FBXL7: variants seen among roughly 807,000 people sequenced by gnomAD.
FBXL7 encodes F-box and leucine rich repeat protein 7, also known as F-box/LRR-repeat protein 7.
A neutral mutation model predicts 38.3 loss-of-function variants in FBXL7; 12 were observed. The ratio of observed to expected loss-of-function variants is 0.31; its 90% CI spans 0.20 to 0.51. FBXL7 has a LOEUF of 0.51. Among genes scored for constraint, FBXL7 ranks in the 20% least tolerant of loss-of-function variants. FBXL7 has a pLI of 0.98. For synonymous variants in FBXL7, 297 were observed against 300.9 expected (o/e 0.99, Z 0.13); for missense variants, 567 against 676.4 (o/e 0.84, Z 1.79).
intron 2 of FBXL7, among the ~76,000 whole-genome samples, chr5:15,756,345 A>G (rs1324975518): frequency 3.9e-5 from 6 of 152,198 alleles, no homozygotes; most frequent in African/African-American, 1.4e-4. Context: ...TTCTACCTTC[A>G]TGTAAATGGG....
intron 2 of FBXL7, among the ~76,000 whole-genome samples, chr5:15,789,188 C>G (rs1213630841): frequency 1.3e-5 from 2 of 152,078 alleles, no homozygotes. Context: ...TCTGCCAGTG[C>G]TCTACAAGAC....
rs187117288 is a variant in FBXL7, at chr5:15,652,336, G to C, written c.127+36264G>C. Among the ~76,000 whole-genome samples, 690 of 152,078 alleles carry C rather than the reference G, an allele frequency of 4.5e-3. 4 individuals carry two copies. The highest frequency in any genetic ancestry group is 0.016 in the African/African-American group (670 of 41,484). Reference sequence around the variant, plus strand: ...GGCTGGAGTGCAGTGGCGTGATCTCGGCTCACTGCAATCTCTGCCTCCCGG... The same window carrying C: ...GGCTGGAGTGCAGTGGCGTGATCTCCGCTCACTGCAATCTCTGCCTCCCGG... On this transcript the variant is annotated intron_variant, in intron 2 of 3. Transcript: ENST00000504595.
intron 2 of FBXL7, among the ~76,000 whole-genome samples, chr5:15,691,037 T>A (rs1414800934): frequency 6.6e-6 from 1 of 152,244 alleles, no homozygotes; most frequent in African/African-American, 2.4e-5. Flanking sequence ...AAAAGTGGAA[T>A]GTTTCCTGTA....
intron 2 of FBXL7, among the ~76,000 whole-genome samples, chr5:15,784,542 G>A (rs1685908119): frequency 6.6e-6 from 1 of 152,094 alleles, no homozygotes; most frequent in Non-Finnish European, 1.5e-5. Context: ...CCCAGTGTTA[G>A]AGATGAGGCC....
chr5:15,938,791 A>AT lies in FBXL7; in HGVS notation c.*1608dup. 1 of 393,300 alleles carries AT rather than the reference A, an allele frequency of 2.5e-6. No homozygotes were observed. 24.4% of individuals were successfully genotyped at this position (393,300 alleles called of 1,614,324 possible). ...GGATAGAAGTCTATATTCTAGCCTC[A>AT]TTTGCATGAAGTCAGATAGCCAGAA... is the stretch of plus-strand genomic sequence containing the variant. On this transcript the variant is annotated 3_prime_UTR_variant, in exon 4 of 4. Transcript: ENST00000504595.
chr5:15,538,458 G>A (rs1737648417), intron 1 of FBXL7, among the ~76,000 whole-genome samples: 1 of 152,174 alleles, frequency 6.6e-6, no homozygotes, highest in Non-Finnish European at 1.5e-5. Context: ...AACAGAAAAT[G>A]CCAATAAACC....
intron 2 of FBXL7, among the ~76,000 whole-genome samples, chr5:15,868,859 AT>A (rs997134755): frequency 1.3e-5 from 2 of 151,904 alleles, no homozygotes; most frequent in Non-Finnish European, 1.5e-5. Flanking sequence ...TCCCTACTTC[AT>A]TTTTTTCCCC....
At chr5:15,709,006 A>G in intron 2 of FBXL7, among the ~76,000 whole-genome samples, 1 of 152,310 alleles carries the variant, frequency 6.6e-6, no homozygotes, top group South Asian at 2.1e-4. Flanking sequence ...TCCTGGAATC[A>G]TACTTGCATG....
At chr5:15,764,542 G>A (rs13170786) in intron 2 of FBXL7, among the ~76,000 whole-genome samples, 15,750 of 152,186 alleles carry the variant, frequency 0.1, 964 homozygotes, top group South Asian at 0.16. Context: ...GTGATGAGGA[G>A]GGATAGGAGT....
chr5:15,936,422 T>C lies in FBXL7; in HGVS notation c.740-28T>C, dbSNP rs758521502. ...TGGCTCCCCTGCTGGCAGGTTGCTC[T>C]GAGCCTGTGTTCTGTCTCTTTGTGC... On this transcript the variant is annotated intron_variant, in intron 3 of 3. Coordinates refer to ENST00000504595, the MANE Select transcript of FBXL7 (RefSeq NM_012304.5). The surrounding 1 kb of genome is among the most constrained non-coding windows in gnomAD (Gnocchi z 6.0). 6.3e-7 allele frequency: 1 copy of C among 1,597,512 alleles called. No homozygotes were observed.
chr5:15,919,453 A>G (rs947000212), intron 2 of FBXL7, among the ~76,000 whole-genome samples: 6 of 152,324 alleles, frequency 3.9e-5, no homozygotes, highest in African/African-American at 1.2e-4. Flanking sequence ...AGAAAAAGAC[A>G]GCTATACTTT....
intron 2 of FBXL7, among the ~76,000 whole-genome samples, chr5:15,927,601 G>C (rs1741909886): frequency 6.6e-6 from 1 of 151,654 alleles, no homozygotes; most frequent in African/African-American, 2.4e-5. Context: ...GTAAAACCCC[G>C]TCTCTACTAA....
intron 2 of FBXL7, among the ~76,000 whole-genome samples, chr5:15,765,344 A>G (rs1478255767): frequency 1.3e-5 from 2 of 152,200 alleles, no homozygotes; most frequent in East Asian, 3.9e-4. Flanking sequence ...GATTTACCCA[A>G]TCCCCAGCAC....
intron 2 of FBXL7, among the ~76,000 whole-genome samples, chr5:15,790,273 C>T (rs1737239918): frequency 6.6e-6 from 1 of 152,076 alleles, no homozygotes; most frequent in Admixed American, 6.5e-5. Context: ...GGAAGCTTTC[C>T]TCTGAGCACA....
rs575895053 is a variant in FBXL7 at position 15,836,080 on chromosome 5, C to T, written c.128-91810C>T. Among the ~76,000 whole-genome samples, 8 of 152,270 alleles carry T rather than the reference C, an allele frequency of 5.3e-5. No homozygotes were observed. The East Asian group carries it at 1.5e-3, about 29-fold the overall frequency. ...TCATTCAAAAAGTAGAATTCCTGGGCACTGTCCTAGATGTCGAGGATGTCA... is the reference window on the plus strand; with the variant it reads ...TCATTCAAAAAGTAGAATTCCTGGGTACTGTCCTAGATGTCGAGGATGTCA... On this transcript the variant is annotated intron_variant, in intron 2 of 3. Coordinates refer to ENST00000504595, the MANE Select transcript of FBXL7 (RefSeq NM_012304.5).
chr5:15,669,878 C>T (rs549493542), intron 2 of FBXL7, among the ~76,000 whole-genome samples: 2 of 152,288 alleles, frequency 1.3e-5, no homozygotes, highest in Non-Finnish European at 2.9e-5. Flanking sequence ...GTATATATCT[C>T]CATTTCACTG....
At chr5:15,787,002 A>G (rs756534004) in intron 2 of FBXL7, among the ~76,000 whole-genome samples, 41 of 152,346 alleles carry the variant, frequency 2.7e-4, no homozygotes, top group Non-Finnish European at 4.6e-4. Flanking sequence ...AGAGAAATCT[A>G]TGTGAAGACA....
intron 2 of FBXL7, among the ~76,000 whole-genome samples, chr5:15,734,916 T>C (rs1005937176): frequency 2.0e-5 from 3 of 152,050 alleles, no homozygotes; most frequent in African/African-American, 7.2e-5. Flanking sequence ...TTAGACAACA[T>C]GGAGGCTCTG....
rs576932037 is a variant in FBXL7, at chr5:15,647,350, A to C, written c.127+31278A>C. ...GTGGACTTAAGCACAAGCTGCAGAC[A>C]CCAAGTCCAGTGCTCTTCTCGCCAT... On this transcript the variant is annotated intron_variant, in intron 2 of 3. Transcript: ENST00000504595. Among the ~76,000 whole-genome samples, 13 of 152,316 alleles carry C rather than the reference A, an allele frequency of 8.5e-5. No individual in the cohort carries two copies. The South Asian group carries it at 2.1e-3, about 24-fold the overall frequency.
Sources: allele counts gnomAD v4.1 joint callset (sites outside exome capture counted in the v4.1 genomes callset), GRCh38; gene constraint gnomAD v4.1.1; non-coding constraint Gnocchi (gnomAD v3.1); transcripts MANE v1.5; gene names NCBI Gene and HGNC (gene_info 2026-07-23, HGNC 2026-07-21).